Variants in RADIL observed in about 807,000 individuals in gnomAD.
RADIL encodes ras-associating and dilute domain-containing protein.
In RADIL, 99 loss-of-function variants were observed where a neutral mutation model predicts 97.6. The ratio of observed to expected loss-of-function variants is 1.01; its 90% confidence interval spans 0.86 to 1.20. The LOEUF is 1.20. Among genes scored for constraint, RADIL ranks in the 50% most tolerant of loss-of-function variants. RADIL has a pLI of 0.00. For synonymous variants in RADIL, 803 were observed against 691.8 expected (o/e 1.16, Z -2.52); for missense variants, 1,765 against 1,498.9 (o/e 1.18, Z -2.93).
chr7:4,852,531 C>T (rs1783733333), intron 2 of RADIL, among the ~76,000 whole-genome samples: 1 of 152,200 alleles, frequency 6.6e-6, no homozygotes, highest in Non-Finnish European at 1.5e-5. Flanking sequence ...TCACTGCAAC[C>T]TCAGACTCCT....
Position 4,815,367 on chromosome 7 carries a change from C to T in RADIL, c.2050G>A (p.Ala684Thr), listed in dbSNP as rs202029388. 1,085 of 1,560,226 alleles carry T rather than the reference C, an allele frequency of 7.0e-4. 5 individuals are homozygous for T. In the African/African-American group the frequency reaches 0.011, roughly 16 times the overall value. Residue 684 changes from alanine to threonine, a missense_variant, in exon 9 of 15, where the codon GCC becomes ACC. Transcript: ENST00000399583. The surrounding 1 kb of genome is among the most constrained non-coding windows in gnomAD (Gnocchi z 8.0). ...LQQLLEWMRS[A>T]GFGAAGEHFF... is the part of the protein sequence containing the mutation. ...TGCTCTCCAGCCGCCCCGAAGCCGG[C>T]GCTCCGCATCCACTCCAGGAGCTGC...
In RADIL at chr7:4,883,276, T is replaced by G. The variant is rs1784522550; in HGVS notation, c.-65+320A>C. Among the ~76,000 whole-genome samples the G allele has an allele frequency of 1.3e-5, 2 of 149,280 alleles. No individual in the cohort carries two copies. Among genetic ancestry groups the G allele is most frequent in the South Asian group, 4.2e-4 (2 of 4,778 alleles). Reference sequence around the variant, plus strand: ...GCCGAGAGTCCCCTGGAGTTGGGGGTCCGGGGCCCACGCGGACAGCCAGGC... The same window carrying G: ...GCCGAGAGTCCCCTGGAGTTGGGGGGCCGGGGCCCACGCGGACAGCCAGGC... On this transcript the variant is annotated intron_variant, in intron 1 of 14. Coordinates refer to ENST00000399583, the MANE Select transcript of RADIL (RefSeq NM_018059.5). This position sits in a 1 kb window ranked among gnomAD's most constrained non-coding sequence, Gnocchi z 7.1.
In RADIL at chr7:4,849,198, G is replaced by T. The variant is rs1386120147; in HGVS notation, c.536-12593C>A. On this transcript the variant is annotated intron_variant, in intron 2 of 14. Coordinates refer to ENST00000399583, the MANE Select transcript of RADIL (RefSeq NM_018059.5). This position sits in a 1 kb window ranked among gnomAD's most constrained non-coding sequence, Gnocchi z 5.4. The stretch of plus-strand genomic sequence containing the variant: ...AAGAAAGAGTTCACAGTTGAAAGTG[G>T]TTATGGGGAGTTCAAAACTGGGAAG... 6.6e-6 allele frequency among the ~76,000 whole-genome samples: 1 copy of T among 151,992 alleles called. No individual in the cohort carries two copies. Among genetic ancestry groups the T allele is most frequent in the African/African-American group, 2.4e-5 (1 of 41,370 alleles).
chr7:4,825,608 G>C (rs948630746), intron 5 of RADIL, among the ~76,000 whole-genome samples: 1 of 152,014 alleles, frequency 6.6e-6, no homozygotes, highest in Non-Finnish European at 1.5e-5. Context: ...CGGGTGCGGT[G>C]GCTCACGCCT....
chr7:4,827,628 T>C (rs1156570681), intron 5 of RADIL, among the ~76,000 whole-genome samples: 1 of 152,126 alleles, frequency 6.6e-6, no homozygotes, highest in Non-Finnish European at 1.5e-5. Flanking sequence ...GCCACTGTAC[T>C]CCAGCCTGGG....
intron 2 of RADIL, among the ~76,000 whole-genome samples, chr7:4,871,421 G>A (rs899903182): frequency 6.6e-6 from 1 of 152,210 alleles, no homozygotes; most frequent in Non-Finnish European, 1.5e-5. Flanking sequence ...CAGTCCCTGC[G>A]GCCCGCACAC....
chr7:4,871,713 G>C (rs1784260135), intron 2 of RADIL, among the ~76,000 whole-genome samples: 3 of 152,180 alleles, frequency 2.0e-5, no homozygotes, highest in South Asian at 4.1e-4. Context: ...CCCCACTCGG[G>C]AGTCTTGCAG....
At position 4,842,741 on chromosome 7, in the gene RADIL, C is replaced by G. The variant is rs757329017; in HGVS notation, c.536-6136G>C. Among the ~76,000 whole-genome samples, 5 of 152,160 alleles carry G rather than the reference C, an allele frequency of 3.3e-5. No individual in the cohort carries two copies. The highest frequency in any genetic ancestry group is 4.8e-5 in the African/African-American group (2 of 41,428). ...ATACAACTTGGAACCGTTTCTGTCA[C>G]CCATCCCCACTCGCAGGCCTCAGAG... On this transcript the variant is annotated intron_variant, in intron 2 of 14. Coordinates refer to ENST00000399583, the MANE Select transcript of RADIL (RefSeq NM_018059.5). This position sits in a 1 kb window ranked among gnomAD's most constrained non-coding sequence, Gnocchi z 4.5.
chr7:4,877,715 A>G lies in RADIL; in HGVS notation c.425T>C (p.Leu142Ser). ...TCGGGGTTTCCATAATTCCTGGATC[A>G]AGAGGGGCTTCTCACTGTCCCCAAA... ...RVFGDSEKPL[L>S]IQELWKPREG... The change falls in exon 2 of 15, where the codon TTG (leucine) becomes TCG (serine). Residue 142 changes from leucine to serine, a missense_variant. Leu to Ser is a moderately radical substitution (Grantham distance 145). Transcript: ENST00000399583. 1 of 1,614,140 alleles carries G rather than the reference A, an allele frequency of 6.2e-7. No individual in the cohort carries two copies. Among genetic ancestry groups the G allele is most frequent in the South Asian group, 1.1e-5 (1 of 91,086 alleles).
At chr7:4,859,635 G>A (rs1255085412) in intron 2 of RADIL, 4 of 434,554 alleles carry the variant, frequency 9.2e-6, no homozygotes, top group South Asian at 9.1e-5. Flanking sequence ...TCAGTTGGCA[G>A]ATATTGTTCA....
At chr7:4,839,305 T>C (rs965049340) in intron 2 of RADIL, among the ~76,000 whole-genome samples, 1 of 152,258 alleles carries the variant, frequency 6.6e-6, no homozygotes, top group African/African-American at 2.4e-5. Flanking sequence ...AGCAATCTTC[T>C]TAGTACTGAT....
chr7:4,880,465 G>A lies in RADIL; in HGVS notation c.-64-2262C>T, dbSNP rs533748800. On this transcript the variant is annotated intron_variant, in intron 1 of 14. Transcript: ENST00000399583. The surrounding 1 kb of genome is among the most constrained non-coding windows in gnomAD (Gnocchi z 4.5). ...CAGTCTCCTGTGGTCAGTTTTCAAA[G>A]TGAGTACTTGGAATCACAGAACAAA... Among the ~76,000 whole-genome samples, 14 of 152,282 alleles carry A rather than the reference G, an allele frequency of 9.2e-5. No homozygotes were observed. In the South Asian group the frequency reaches 2.3e-3, roughly 25 times the overall value.
At chr7:4,864,348 T>A (rs929912598) in intron 2 of RADIL, among the ~76,000 whole-genome samples, 1 of 152,224 alleles carries the variant, frequency 6.6e-6, no homozygotes, top group Admixed American at 6.5e-5. Flanking sequence ...TTCCTCCAGT[T>A]TCCATTCTAA....
In RADIL at chr7:4,880,306, T is replaced by C. The variant is rs373162590; in HGVS notation, c.-64-2103A>G. 1.3e-5 allele frequency among the ~76,000 whole-genome samples: 2 copies of C among 152,148 alleles called. No homozygotes were observed. The highest frequency in any genetic ancestry group is 4.8e-5 in the African/African-American group (2 of 41,498). ...AAGAAGCTCAGAGCCGGCCGCAGCT[T>C]CCCCCACGGACTCATCAAAGGCCTC... On this transcript the variant is annotated intron_variant, in intron 1 of 14. Transcript: ENST00000399583. This position sits in a 1 kb window ranked among gnomAD's most constrained non-coding sequence, Gnocchi z 4.5.
Position 4,806,195 on chromosome 7 carries a change from G to T in RADIL, c.2140-479C>A, listed in dbSNP as rs150770648. Among the ~76,000 whole-genome samples the T allele has an allele frequency of 2.1e-3, 318 of 152,370 alleles. 2 individuals carry two copies. Among genetic ancestry groups the T allele is most frequent in the African/African-American group, 4.7e-3 (194 of 41,582 alleles). ...GACAGAGTCTCATGCTGTCACGCAG[G>T]TTGGGGTGCAGTGGCTCAATCACAG... On this transcript the variant is annotated intron_variant, in intron 9 of 14. Transcript: ENST00000399583.
At chr7:4,850,214 T>A (rs1423766155) in intron 2 of RADIL, among the ~76,000 whole-genome samples, 1 of 53,168 alleles carries the variant, frequency 1.9e-5, no homozygotes, top group Admixed American at 1.5e-4. Flanking sequence ...AGACGATCCC[T>A]TTAAAAAAAA....
chr7:4,865,566 T>A (rs560837547), intron 2 of RADIL: 1 of 792,908 alleles, frequency 1.3e-6, no homozygotes, highest in African/African-American at 1.7e-5. Flanking sequence ...AAATACCTTT[T>A]TGAGAAAGGG....
chr7:4,800,967 G>A (rs1375872570), intron 12 of RADIL, among the ~76,000 whole-genome samples: 2 of 152,218 alleles, frequency 1.3e-5, no homozygotes, highest in African/African-American at 4.8e-5. Context: ...AGGGCCGGCT[G>A]GGGCTGCCTC....
Position 4,867,505 on chromosome 7 carries a change from G to A in RADIL, c.535+10100C>T, listed in dbSNP as rs936501480. On this transcript the variant is annotated intron_variant, in intron 2 of 14. Transcript: ENST00000399583. The surrounding 1 kb of genome is among the most constrained non-coding windows in gnomAD (Gnocchi z 4.1). ...TGTCAAAAACATAATGTGAGGCCAG[G>A]TGTGGTGGCTCATGGCTGTAATCCC... Among the ~76,000 whole-genome samples the A allele has an allele frequency of 9.9e-5, 15 of 152,182 alleles. No homozygotes were observed. The highest frequency in any genetic ancestry group is 5.9e-5 in the Non-Finnish European group (4 of 68,032).
Sources: gnomAD v4.1 joint callset for allele counts (sites outside exome capture counted in the v4.1 genomes callset) on GRCh38, gnomAD v4.1.1 for gene constraint, Gnocchi (gnomAD v3.1) non-coding constraint, MANE v1.5 for transcripts, NCBI Gene and HGNC (gene_info 2026-07-23, HGNC 2026-07-21) for gene names.